The following KIDINS220 variants were observed in gnomAD, a reference collection of about 807,000 sequenced individuals.
The protein encoded by KIDINS220 is kinase D interacting substrate 220.
In KIDINS220, 63 loss-of-function variants were observed where a neutral mutation model predicts 157.6. The ratio of observed to expected loss-of-function variants is 0.40; its 90% confidence interval spans 0.33 to 0.49. KIDINS220 has a LOEUF of 0.49. Among genes scored for constraint, KIDINS220 ranks in the 20% least tolerant of loss-of-function variants. The pLI is 0.66. For missense variants in KIDINS220, 1,772 were observed against 2,171.2 expected (o/e 0.82, Z 3.65); for synonymous variants, 732 against 783.6 (o/e 0.93, Z 1.10).
intron 10 of KIDINS220, 84 bp from the exon 11 acceptor site, chr2:8,796,953 T>C (rs1396941813): frequency 2.0e-6 from 2 of 979,570 alleles, no homozygotes; most frequent in African/African-American, 1.6e-5. Context: ...TCAAGAAATA[T>C]CTGACTCTGG....
intron 2 of KIDINS220, among the ~76,000 whole-genome samples, chr2:8,821,521 G>T (rs916974131): frequency 1.3e-5 from 2 of 152,172 alleles, no homozygotes; most frequent in African/African-American, 4.8e-5. Flanking sequence ...TGACTGATGT[G>T]ACGCAATAGG....
intron 20 of KIDINS220, 28 bp downstream of exon 20, chr2:8,778,611 A>T (rs1442064978): frequency 7.0e-7 from 1 of 1,424,668 alleles, no homozygotes; most frequent in East Asian, 2.3e-5. Context: ...CAATACAAAC[A>T]TACAGCTCGA....
rs190943156 is a variant in KIDINS220, at chr2:8,826,148, T to C, written c.108+838A>G. Among the ~76,000 whole-genome samples the C allele has an allele frequency of 2.6e-5, 4 of 152,302 alleles. No individual in the cohort carries two copies. The East Asian group carries it at 7.7e-4, about 29-fold the overall frequency. On this transcript the variant is annotated intron_variant, in intron 2 of 29. Transcript: ENST00000256707. ...CATAATGAACTAAGATCCACATTTT[T>C]TACCTCATAACATTGAGGAGAAATA...
intron 21 of KIDINS220, among the ~76,000 whole-genome samples, chr2:8,772,900 G>C (rs1255253626): frequency 6.6e-6 from 1 of 152,150 alleles, no homozygotes; most frequent in African/African-American, 2.4e-5. Context: ...GATTCAAGAG[G>C]CTAAGAAGTA....
At position 8,730,279 on chromosome 2, in the gene KIDINS220, GC is replaced by G; in HGVS notation, c.*440del. The G allele has an allele frequency of 2.0e-6, 2 of 998,696 alleles. No homozygotes were observed. Among genetic ancestry groups the G allele is most frequent in the Non-Finnish European group, 2.4e-6 (2 of 838,696 alleles). The allele number at this position is 998,696 out of a possible 1,614,324, so 61.9% of individuals were successfully genotyped here. A position where few individuals can be genotyped will look rare whatever the true frequency, so the allele number is the denominator to read the frequency against. The stretch of plus-strand genomic sequence containing the variant: ...ACAGGCTGTGCACTCACCTAGGTGA[GC>G]CCCTAAGAGCAGGGTTTGCTTCTGC... On this transcript the variant is annotated 3_prime_UTR_variant, in exon 30 of 30. Transcript: ENST00000256707.
Position 8,776,848 on chromosome 2 carries a change from C to G in KIDINS220, c.2748G>C (p.Gln916His), listed in dbSNP as rs751493310. Residue 916 changes from glutamine (Q) to histidine (H), a missense_variant, in exon 21 of 30, where the codon CAG becomes CAC. Physicochemically the swap from Gln to His is conservative, Grantham distance 24. Around this residue, in one of 3 missense-constraint regions of KIDINS220, gnomAD observed 725 missense variants for 1,017.1 expected, o/e 0.71. Coordinates refer to ENST00000256707, the MANE Select transcript of KIDINS220 (RefSeq NM_020738.4). The part of the protein sequence containing the change: ...RRQMQRTITR[Q>H]MSFDLTKLLV... ...GCAGTTTTGTAAGATCAAAGGACAT[C>G]TGGCGAGTGATGGTCCTCTGCATCT... The G allele has an allele frequency of 4.3e-6, 7 of 1,613,966 alleles. No individual in the cohort carries two copies. The highest frequency in any genetic ancestry group is 2.2e-5 in the South Asian group (2 of 91,074).
Position 8,786,021 on chromosome 2 carries a change from T to C in KIDINS220, c.1949A>G (p.Lys650Arg). 6.2e-7 allele frequency: 1 copy of C among 1,605,480 alleles called. No homozygotes were observed. The highest frequency in any genetic ancestry group is 1.1e-5 in the South Asian group (1 of 89,276). Residue 650 changes from lysine (K) to arginine (R), a missense_variant, in exon 17 of 30, where the codon AAA becomes AGA. Lys to Arg is a conservative substitution (Grantham distance 26, BLOSUM62 2). Coordinates refer to ENST00000256707, the MANE Select transcript of KIDINS220 (RefSeq NM_020738.4). ...TGGGAGACAACATGTTTTTTTCCAT[T>C]TCTTTTTACCTGTAATGCAACAAAT... ...FKTEDTQGKK[K>R]WKKTCCLPSF... is the part of the protein sequence containing the mutation.
At chr2:8,815,662 C>T (rs1196776298) in intron 4 of KIDINS220, among the ~76,000 whole-genome samples, 1 of 152,116 alleles carries the variant, frequency 6.6e-6, no homozygotes, top group African/African-American at 2.4e-5. Context: ...GAGCGAGACT[C>T]CGTCTCAGGG....
chr2:8,789,283 A>ATTTT (rs70946384), intron 14 of KIDINS220, among the ~76,000 whole-genome samples: 11 of 109,066 alleles, frequency 1.0e-4, no homozygotes, highest in Non-Finnish European at 1.4e-4. Context: ...CAGAAAAAGA[A>ATTTT]TTTTTTTTTT....
intron 4 of KIDINS220, among the ~76,000 whole-genome samples, chr2:8,814,470 T>C (rs1350214290): frequency 1.3e-5 from 2 of 151,076 alleles, no homozygotes; most frequent in African/African-American, 4.8e-5. Flanking sequence ...GATGAATGGA[T>C]GGATGGATGG....
In KIDINS220 at chr2:8,744,307, C is replaced by T. The variant is rs1423711859; in HGVS notation, c.3585+2838G>A. ...TACAGTGTTCCTTAATGTGAGAAAA[C>T]TCAATGATTTTTATAAGGATCTAAT... is the stretch of plus-strand genomic sequence containing the variant. On this transcript the variant is annotated intron_variant, in intron 26 of 29. Coordinates refer to ENST00000256707, the MANE Select transcript of KIDINS220 (RefSeq NM_020738.4). 2.3e-5 allele frequency among the ~76,000 whole-genome samples: 3 copies of T among 129,636 alleles called. No homozygotes were observed. The Admixed American group carries it at 2.5e-4, about 11-fold the overall frequency. 85.0% of individuals were successfully genotyped at this position (129,636 alleles called of 152,430 possible). A position where few individuals can be genotyped will look rare whatever the true frequency, so the allele number is the denominator to read the frequency against.
rs138281448 is a variant in KIDINS220, at chr2:8,739,184, T to C, written c.3586-2185A>G. 3.5e-3 allele frequency among the ~76,000 whole-genome samples: 526 copies of C among 152,346 alleles called. 3 individuals carry two copies. Among genetic ancestry groups the C allele is most frequent in the Non-Finnish European group, 6.4e-3 (438 of 68,022 alleles). On this transcript the variant is annotated intron_variant, in intron 26 of 29. Coordinates refer to ENST00000256707, the MANE Select transcript of KIDINS220 (RefSeq NM_020738.4). ...CCCAATGTTACTTTCACAATCTTTTTACAACTTCTACAATTTATCAGTTAC... is the reference window on the plus strand; with the variant it reads ...CCCAATGTTACTTTCACAATCTTTTCACAACTTCTACAATTTATCAGTTAC...
chr2:8,789,786 G>C (rs1672935345), intron 14 of KIDINS220, 94 bp downstream of exon 14: 1 of 968,370 alleles, frequency 1.0e-6, no homozygotes, highest in Admixed American at 3.1e-5. Flanking sequence ...ATCACATACA[G>C]GTTTTAAAAG....
intron 21 of KIDINS220, among the ~76,000 whole-genome samples, chr2:8,775,801 A>AAT (rs1422674066): frequency 6.6e-6 from 1 of 152,112 alleles, no homozygotes; most frequent in Non-Finnish European, 1.5e-5. Flanking sequence ...TGATGGGAGT[A>AAT]ATTTTCGAGT....
intron 22 of KIDINS220, among the ~76,000 whole-genome samples, chr2:8,762,519 C>T (rs1231737408): frequency 6.6e-6 from 1 of 152,012 alleles, no homozygotes; most frequent in African/African-American, 2.4e-5. Context: ...GGGTAGATCA[C>T]GAGGTCAGGA....
chr2:8,831,974 C>A (rs1238882620), intron 1 of KIDINS220, among the ~76,000 whole-genome samples: 1 of 152,222 alleles, frequency 6.6e-6, no homozygotes, highest in Non-Finnish European at 1.5e-5. Context: ...TGAAGCATTG[C>A]TGCTTCTTTA....
chr2:8,788,541 T>C, intron 15 of KIDINS220, 106 bp downstream of exon 15: 1 of 1,109,650 alleles, frequency 9.0e-7, no homozygotes, highest in Non-Finnish European at 1.3e-6. Context: ...AGTGCTGGGA[T>C]TACAAGCGTG....
At chr2:8,796,949 A>T (rs1392929084) in intron 10 of KIDINS220, 80 bp from the exon 11 acceptor site, 7 of 994,402 alleles carry the variant, frequency 7.0e-6, no homozygotes, top group Non-Finnish European at 1.1e-5. Flanking sequence ...CATGTCAAGA[A>T]ATATCTGACT....
chr2:8,831,906 A>C (rs960685661), intron 1 of KIDINS220, among the ~76,000 whole-genome samples: 22 of 152,248 alleles, frequency 1.4e-4, no homozygotes, highest in African/African-American at 5.1e-4. Flanking sequence ...ACATAGACAA[A>C]AACATGAACA....
Sources: allele counts gnomAD v4.1 joint callset (sites outside exome capture counted in the v4.1 genomes callset), GRCh38; gene constraint gnomAD v4.1.1; regional missense constraint gnomAD v4.1.1; transcripts MANE v1.5; gene names NCBI Gene and HGNC (gene_info 2026-07-23, HGNC 2026-07-21).